Variants in CDH13 observed in about 807,000 individuals in gnomAD.
CDH13 encodes cadherin-13.
CDH13 carries 24 observed loss-of-function variants against 63.8 expected under a neutral mutation model. The ratio of observed to expected loss-of-function variants is 0.38; its 90% CI spans 0.27 to 0.53. CDH13 has a LOEUF of 0.53. CDH13 is among the 20% of genes least tolerant of loss of function. The pLI is 0.85. For synonymous variants in CDH13, 503 were observed against 355.3 expected, an observed-to-expected ratio of 1.42 and a Z score of -4.67; for missense variants, 1,049 against 903.1, an observed-to-expected ratio of 1.16 and a Z score of -2.07.
At chr16:83,500,208 A>C (rs11647262) in intron 7 of CDH13, among the ~76,000 whole-genome samples, 14,831 of 47,820 alleles carry the variant, frequency 0.31, 5,601 homozygotes, top group East Asian at 0.81. Context: ...TCACATTTGA[A>C]TTCAGACACT....
intron 5 of CDH13, among the ~76,000 whole-genome samples, chr16:83,336,390 G>C (rs2090598327): frequency 6.6e-6 from 1 of 151,962 alleles, no homozygotes. Flanking sequence ...AGAAGTTTCT[G>C]AAGAGGTATT....
At chr16:83,347,212 A>G (rs755975153) in intron 6 of CDH13, among the ~76,000 whole-genome samples, 7 of 152,192 alleles carry the variant, frequency 4.6e-5, no homozygotes, top group Non-Finnish European at 1.0e-4. Flanking sequence ...TAAATCGTTT[A>G]CAAGTAATAA....
Position 83,651,348 on chromosome 16 carries a change from T to C in CDH13, c.1102-19442T>C, listed in dbSNP as rs374752662. Among the ~76,000 whole-genome samples, 62 of 152,330 alleles carry C rather than the reference T, an allele frequency of 4.1e-4. 1 individual carries two copies. The East Asian group carries it at 8.5e-3, about 21-fold the overall frequency. On this transcript the variant is annotated intron_variant, in intron 8 of 13. Coordinates refer to ENST00000567109, the MANE Select transcript of CDH13 (RefSeq NM_001257.5). ...GTATTTTATTTATCCATTTTCATTA[T>C]AACAATGTGCATTTTATTGCTTATG... is the stretch of plus-strand genomic sequence containing the variant.
intron 7 of CDH13, among the ~76,000 whole-genome samples, chr16:83,502,013 C>T (rs537966461): frequency 2.0e-5 from 3 of 152,196 alleles, no homozygotes; most frequent in African/African-American, 7.2e-5. Flanking sequence ...CTTGTGTGGC[C>T]TTGGGCAAGT....
At chr16:83,158,348 T>C (rs892947183) in intron 4 of CDH13, among the ~76,000 whole-genome samples, 2 of 152,204 alleles carry the variant, frequency 1.3e-5, no homozygotes, top group African/African-American at 2.4e-5. Context: ...TGCTGTGCAG[T>C]GAATCCATAT....
At chr16:83,145,712 A>T (rs945868615) in intron 4 of CDH13, among the ~76,000 whole-genome samples, 2 of 152,172 alleles carry the variant, frequency 1.3e-5, no homozygotes, top group Non-Finnish European at 2.9e-5. Flanking sequence ...CAGTCTCTCA[A>T]TCAATCAATA....
chr16:83,010,535 T>C (rs1277337687), intron 2 of CDH13, among the ~76,000 whole-genome samples: 1 of 152,134 alleles, frequency 6.6e-6, no homozygotes, highest in Non-Finnish European at 1.5e-5. Context: ...ACCCCACTCA[T>C]TCACACACAC....
At chr16:82,695,095 T>C (rs545493495) in intron 1 of CDH13, among the ~76,000 whole-genome samples, 2 of 152,136 alleles carry the variant, frequency 1.3e-5, no homozygotes, top group South Asian at 4.2e-4. Flanking sequence ...GAAGGGCATG[T>C]TCTTGGTACC....
intron 2 of CDH13, among the ~76,000 whole-genome samples, chr16:82,966,693 T>C (rs1907887101): frequency 6.6e-6 from 1 of 152,238 alleles, no homozygotes; most frequent in South Asian, 2.1e-4. Flanking sequence ...TTTATATTTT[T>C]AGTTCAAATT....
At chr16:83,126,010 C>G (rs9937846) in intron 4 of CDH13, among the ~76,000 whole-genome samples, 13 of 152,220 alleles carry the variant, frequency 8.5e-5, no homozygotes, top group African/African-American at 2.6e-4. Context: ...ATAGCTTTTC[C>G]AGGAAGAAAT....
chr16:83,669,199 G>A (rs768307306), intron 8 of CDH13, among the ~76,000 whole-genome samples: 13 of 152,056 alleles, frequency 8.5e-5, no homozygotes, highest in South Asian at 4.1e-4. Flanking sequence ...TCTCCCATGC[G>A]CTCCAACCTG....
chr16:82,826,503 C>G (rs917714803), intron 1 of CDH13: 3 of 152,048 alleles, frequency 2.0e-5, no homozygotes, highest in Non-Finnish European at 4.4e-5. Context: ...TGATCAGAAT[C>G]CTAATCATTA....
intron 4 of CDH13, among the ~76,000 whole-genome samples, chr16:83,176,212 G>T (rs117656610): frequency 6.7e-6 from 1 of 150,048 alleles, no homozygotes; most frequent in Non-Finnish European, 1.5e-5. Context: ...CTTGTAAAAC[G>T]TTGTACTTAA....
At chr16:83,115,578 C>G (rs571776679) in intron 3 of CDH13, among the ~76,000 whole-genome samples, 1 of 152,344 alleles carries the variant, frequency 6.6e-6, no homozygotes, top group Admixed American at 6.5e-5. Context: ...GCCTTGGAAG[C>G]AAATCCAGTC....
chr16:83,655,948 G>T (rs1022233008), intron 8 of CDH13, among the ~76,000 whole-genome samples: 1 of 152,152 alleles, frequency 6.6e-6, no homozygotes, highest in Non-Finnish European at 1.5e-5. Flanking sequence ...GCTCCACCAA[G>T]GTTGGTAGGG....
intron 5 of CDH13, among the ~76,000 whole-genome samples, chr16:83,269,125 A>T (rs563316666): frequency 6.6e-6 from 1 of 152,324 alleles, no homozygotes; most frequent in Admixed American, 6.5e-5. Flanking sequence ...TTTCTATTAC[A>T]AAAGCAGCTG....
chr16:83,178,383 T>A (rs967417511), intron 4 of CDH13, among the ~76,000 whole-genome samples: 2 of 152,154 alleles, frequency 1.3e-5, no homozygotes, highest in African/African-American at 4.8e-5. Context: ...CTGATTTAGA[T>A]CCTGTCTGAA....
At chr16:83,335,906 C>A (rs1021705281) in intron 5 of CDH13, among the ~76,000 whole-genome samples, 1 of 152,052 alleles carries the variant, frequency 6.6e-6, no homozygotes, top group South Asian at 2.1e-4. Context: ...GGAATCTTGC[C>A]GATGCCCCCG....
At chr16:83,193,699 C>G (rs2038793318) in intron 4 of CDH13, among the ~76,000 whole-genome samples, 1 of 152,206 alleles carries the variant, frequency 6.6e-6, no homozygotes, top group South Asian at 2.1e-4. Context: ...ACTTAAATCA[C>G]TGGCTCCTTT....
Sources: allele counts gnomAD v4.1 joint callset (sites outside exome capture counted in the v4.1 genomes callset), GRCh38; gene constraint gnomAD v4.1.1; transcripts MANE v1.5; gene names NCBI Gene and HGNC (gene_info 2026-07-23, HGNC 2026-07-21).